TAFA2: variants seen among roughly 807,000 people sequenced by gnomAD.
TAFA2 encodes the protein TAFA chemokine like family member 2, also known as chemokine-like protein TAFA-2.
TAFA2 carries 7 observed loss-of-function variants against 18.8 expected under a neutral mutation model. The ratio of observed to expected loss-of-function variants is 0.37; its 90% CI spans 0.21 to 0.70. TAFA2 has a LOEUF of 0.70. TAFA2 is among the 30% of genes least tolerant of loss of function. The pLI, the probability that TAFA2 is intolerant of heterozygous loss-of-function variation, is 0.53. For missense variants in TAFA2, 122 were observed against 158.1 expected, an observed-to-expected ratio of 0.77 and a Z score of 1.23; for synonymous variants, 60 against 54.2, an observed-to-expected ratio of 1.11 and a Z score of -0.47.
chr12:62,117,027 G>A (rs887166504), intron 1 of TAFA2, among the ~76,000 whole-genome samples: 1 of 152,104 alleles, frequency 6.6e-6, no homozygotes, highest in Non-Finnish European at 1.5e-5. Flanking sequence ...GGGAGAAAAT[G>A]GCCAACTGCA....
chr12:61,822,701 T>C lies in TAFA2; in HGVS notation c.106+44619A>G, dbSNP rs1872370296. On this transcript the variant is annotated intron_variant, in intron 2 of 4. Transcript: ENST00000416284. The stretch of plus-strand genomic sequence containing the variant: ...AACATAATATGATGGTTTTTGTTTA[T>C]GTTTCCTGCTTTCCAGAGACTAGGA... 3.3e-5 allele frequency among the ~76,000 whole-genome samples: 5 copies of C among 152,322 alleles called. No individual in the cohort carries two copies. In the South Asian group the frequency reaches 1.0e-3, roughly 32 times the overall value.
At chr12:62,164,602 T>C (rs1161376909) in intron 1 of TAFA2, among the ~76,000 whole-genome samples, 1 of 152,132 alleles carries the variant, frequency 6.6e-6, no homozygotes, top group East Asian at 1.9e-4. Flanking sequence ...AGTTTACCCA[T>C]ATGACAAACC....
intron 1 of TAFA2, among the ~76,000 whole-genome samples, chr12:62,053,646 T>C (rs1882113203): frequency 6.6e-6 from 1 of 152,236 alleles, no homozygotes; most frequent in Non-Finnish European, 1.5e-5. Flanking sequence ...CCCAATTCAT[T>C]AGAAAAATGT....
chr12:61,925,231 C>A (rs1369177054), intron 1 of TAFA2, among the ~76,000 whole-genome samples: 6 of 152,120 alleles, frequency 3.9e-5, no homozygotes, highest in Non-Finnish European at 7.4e-5. Flanking sequence ...CTGGACCAAG[C>A]AGACCTAATA....
intron 2 of TAFA2, among the ~76,000 whole-genome samples, chr12:61,838,792 A>C (rs1873045613): frequency 6.6e-6 from 1 of 152,078 alleles, no homozygotes; most frequent in African/African-American, 2.4e-5. Context: ...AGAAAGAATA[A>C]ACATTTGACT....
intron 2 of TAFA2, among the ~76,000 whole-genome samples, chr12:61,787,299 G>T (rs960324576): frequency 1.3e-5 from 2 of 151,524 alleles, no homozygotes; most frequent in African/African-American, 4.8e-5. Flanking sequence ...GATCTTACAA[G>T]AAATGCTTAA....
intron 1 of TAFA2, among the ~76,000 whole-genome samples, chr12:62,244,793 T>C (rs961185555): frequency 6.6e-6 from 1 of 152,348 alleles, no homozygotes; most frequent in Admixed American, 6.5e-5. Flanking sequence ...TGGTATCTCA[T>C]TGCACTTTTA....
chr12:61,754,807 G>A, intron 3 of TAFA2, 65 bp downstream of exon 3: 1 of 1,538,294 alleles, frequency 6.5e-7, no homozygotes, highest in South Asian at 1.2e-5. Context: ...GAGCATTATA[G>A]TGGGGTTCTA....
In TAFA2 at chr12:61,766,127, T is replaced by C. The variant is rs1041673796; in HGVS notation, c.107-11103A>G. ...CAAAACCACAAGAGCCTGTGACTTA[T>C]TTCCCTACTTGTTAGCTTACTTCCC... On this transcript the variant is annotated intron_variant, in intron 2 of 4. Transcript: ENST00000416284. Among the ~76,000 whole-genome samples, 16 of 152,220 alleles carry C rather than the reference T, an allele frequency of 1.1e-4. No homozygotes were observed. In the East Asian group the frequency reaches 3.1e-3, roughly 30 times the overall value.
rs114379436 is a variant in TAFA2, at chr12:61,905,846, C to T, written c.-1-38420G>A. Among the ~76,000 whole-genome samples, 319 of 152,296 alleles carry T rather than the reference C, an allele frequency of 2.1e-3. 1 individual carries two copies. Among genetic ancestry groups the T allele is most frequent in the African/African-American group, 7.4e-3 (306 of 41,560 alleles). Reference sequence around the variant, plus strand: ...TCCCCTAACAAAATGCCTTTGACAACTCTTGATTGCCACCAGGCACACAGA... The same window carrying T: ...TCCCCTAACAAAATGCCTTTGACAATTCTTGATTGCCACCAGGCACACAGA... On this transcript the variant is annotated intron_variant, in intron 1 of 4. Coordinates refer to ENST00000416284, the MANE Select transcript of TAFA2 (RefSeq NM_178539.5).
At chr12:61,776,261 G>T (rs1366079170) in intron 2 of TAFA2, 5 of 188,900 alleles carry the variant, frequency 2.6e-5, no homozygotes, top group Non-Finnish European at 4.4e-5. Context: ...AAAATGACCA[G>T]AAAAAGAAGG....
intron 1 of TAFA2, among the ~76,000 whole-genome samples, chr12:61,959,165 C>T (rs1033183361): frequency 2.0e-5 from 3 of 151,818 alleles, no homozygotes; most frequent in Non-Finnish European, 4.4e-5. Context: ...TGTTCTCATA[C>T]ATTTATTTTT....
intron 1 of TAFA2, among the ~76,000 whole-genome samples, chr12:61,975,966 A>G (rs1000451064): frequency 6.6e-6 from 1 of 151,864 alleles, no homozygotes; most frequent in South Asian, 2.1e-4. Context: ...TCATTTCACA[A>G]TGTGTACATA....
chr12:62,116,796 T>G (rs1164943251), intron 1 of TAFA2, among the ~76,000 whole-genome samples: 1 of 152,160 alleles, frequency 6.6e-6, no homozygotes, highest in Non-Finnish European at 1.5e-5. Context: ...GTGTTCCTCC[T>G]AAACTCATAT....
At position 61,755,018 on chromosome 12, in the gene TAFA2, T is replaced by C. The variant is rs769820171; in HGVS notation, c.113A>G (p.His38Arg). 3.7e-5 allele frequency: 59 copies of C among 1,612,554 alleles called. No homozygotes were observed. In the East Asian group the frequency reaches 1.3e-3, roughly 35 times the overall value. The change falls in exon 3 of 5, where the codon CAT becomes CGT. Residue 38 changes from histidine (H) to arginine (R), a missense_variant. His to Arg is a conservative substitution (Grantham distance 29). Transcript: ENST00000416284. ...CACCTCACAAGTTCCCGTTTTAACA[T>C]GGTGAGCTGCACAAACAAAAAAGAT... ...VSSANHHKAHHVKTGTCEVVA... is the reference protein window; with the variant it reads ...VSSANHHKAHRVKTGTCEVVA...
intron 1 of TAFA2, among the ~76,000 whole-genome samples, chr12:62,055,852 T>G (rs1882174788): frequency 6.6e-6 from 1 of 152,176 alleles, no homozygotes; most frequent in African/African-American, 2.4e-5. Flanking sequence ...TTTAGTTACA[T>G]GAGTGTGTGT....
chr12:61,776,087 C>A, intron 2 of TAFA2: 1 of 441,006 alleles, frequency 2.3e-6, no homozygotes, highest in South Asian at 1.9e-5. Flanking sequence ...CCCACTAATG[C>A]TACCATGGCA....
chr12:62,006,835 G>T (rs1270711398), intron 1 of TAFA2, among the ~76,000 whole-genome samples: 1 of 151,812 alleles, frequency 6.6e-6, no homozygotes, highest in Non-Finnish European at 1.5e-5. Flanking sequence ...CTCCTTGCAA[G>T]GAAAAAAGGG....
intron 1 of TAFA2, among the ~76,000 whole-genome samples, chr12:62,057,017 C>T (rs971749083): frequency 3.3e-4 from 50 of 152,186 alleles, no homozygotes; most frequent in Admixed American, 6.5e-5. Context: ...TACGTACCTC[C>T]ATTGCTATTC....
Sources: gnomAD v4.1 joint callset for allele counts (sites outside exome capture counted in the v4.1 genomes callset) on GRCh38, gnomAD v4.1.1 for gene constraint, MANE v1.5 for transcripts, NCBI Gene and HGNC (gene_info 2026-07-23, HGNC 2026-07-21) for gene names.